Variants in PRKG1 observed in about 807,000 individuals in gnomAD.
The protein encoded by PRKG1 is protein kinase cGMP-dependent 1.
PRKG1 carries 35 observed loss-of-function variants against 88.1 expected under a neutral mutation model. That is an observed-to-expected ratio of 0.40 (90% CI 0.30 to 0.53). The LOEUF is 0.53. PRKG1 is among the 20% of genes least tolerant of loss of function. PRKG1 has a pLI of 0.59. For synonymous variants in PRKG1, 303 were observed against 292.5 expected (o/e 1.04, Z -0.37); for missense variants, 540 against 839.8 (o/e 0.64, Z 4.41).
At chr10:51,163,769 A>G (rs973833535) in intron 2 of PRKG1, among the ~76,000 whole-genome samples, 1 of 152,202 alleles carries the variant, frequency 6.6e-6, no homozygotes, top group African/African-American at 2.4e-5. Flanking sequence ...GGAGGGTCCT[A>G]CGCCCACGGA....
chr10:51,966,395 G>C (rs1473139146), intron 5 of PRKG1, among the ~76,000 whole-genome samples: 1 of 151,762 alleles, frequency 6.6e-6, no homozygotes, highest in Non-Finnish European at 1.5e-5. Flanking sequence ...ACATTTTTTT[G>C]TGTCATTTTC....
chr10:52,119,945 G>C (rs1017456263), intron 7 of PRKG1, among the ~76,000 whole-genome samples: 1 of 118,356 alleles, frequency 8.4e-6, no homozygotes, highest in Non-Finnish European at 2.0e-5. Context: ...CAGAGAGACA[G>C]AGATAGACAG....
At chr10:51,234,227 C>T (rs1268352696) in intron 2 of PRKG1, among the ~76,000 whole-genome samples, 1 of 152,166 alleles carries the variant, frequency 6.6e-6, no homozygotes, top group African/African-American at 2.4e-5. Flanking sequence ...CACTTCCTCA[C>T]TATGGAACCC....
chr10:52,245,918 G>A (rs1442512242), intron 9 of PRKG1, among the ~76,000 whole-genome samples: 1 of 151,966 alleles, frequency 6.6e-6, no homozygotes, highest in Non-Finnish European at 1.5e-5. Flanking sequence ...TTACCCATCT[G>A]GAACTATAGT....
At chr10:52,280,665 AGC>A in intron 12 of PRKG1, 122 bp from the exon 13 acceptor site, 1 of 999,806 alleles carries the variant, frequency 1.0e-6, no homozygotes, top group South Asian at 1.5e-5. Flanking sequence ...ACATTTAGCT[AGC>A]AGGACAGTGA....
At chr10:52,088,897 A>G (rs1273638297) in intron 7 of PRKG1, among the ~76,000 whole-genome samples, 4 of 152,246 alleles carry the variant, frequency 2.6e-5, no homozygotes, top group Non-Finnish European at 4.4e-5. Context: ...CAGAAAATCA[A>G]TAATGATGCA....
rs773620282 is a variant in PRKG1 at position 52,010,923 on chromosome 10, C to CT, written c.763-43558dup. 6.4e-4 allele frequency among the ~76,000 whole-genome samples: 97 copies of CT among 152,212 alleles called. 1 individual carries two copies. The highest frequency in any genetic ancestry group is 9.3e-4 in the Non-Finnish European group (63 of 68,036). ...AGCAAGCTTCTCTGACTTCTAGAGACTTTGTCATTTTGTTCATCCCTTCTG... is the reference window on the plus strand; with the variant it reads ...AGCAAGCTTCTCTGACTTCTAGAGACTTTTGTCATTTTGTTCATCCCTTCTG... On this transcript the variant is annotated intron_variant, in intron 5 of 17. Transcript: ENST00000373980.
chr10:51,325,232 A>T (rs1389711018), intron 2 of PRKG1, among the ~76,000 whole-genome samples: 1 of 152,042 alleles, frequency 6.6e-6, no homozygotes, highest in Non-Finnish European at 1.5e-5. Flanking sequence ...GATGATAATG[A>T]TTTTTTTGAA....
At chr10:51,654,261 C>G (rs1840110048) in intron 3 of PRKG1, among the ~76,000 whole-genome samples, 2 of 151,646 alleles carry the variant, frequency 1.3e-5, no homozygotes, top group Admixed American at 1.3e-4. Context: ...TCAATTTCCC[C>G]AATATCATTT....
At chr10:51,167,232 C>T (rs571027226) in intron 2 of PRKG1, among the ~76,000 whole-genome samples, 55 of 152,262 alleles carry the variant, frequency 3.6e-4, no homozygotes, top group African/African-American at 1.2e-3. Flanking sequence ...TCAGGGTAGA[C>T]TTCCCTGGGA....
chr10:51,154,683 A>AT (rs1250760013), intron 2 of PRKG1, among the ~76,000 whole-genome samples: 5 of 151,812 alleles, frequency 3.3e-5, no homozygotes, highest in African/African-American at 1.2e-4. Flanking sequence ...AATTTCTATC[A>AT]TTTTTTTCCC....
intron 7 of PRKG1, among the ~76,000 whole-genome samples, chr10:52,076,323 G>A (rs149716943): frequency 8.7e-4 from 132 of 152,346 alleles, no homozygotes; most frequent in African/African-American, 2.6e-3. Context: ...TTGGAAGGCC[G>A]AGGCAGGCCA....
chr10:52,263,143 C>A (rs989075879), intron 10 of PRKG1, among the ~76,000 whole-genome samples: 2 of 151,784 alleles, frequency 1.3e-5, no homozygotes, highest in Non-Finnish European at 2.9e-5. Context: ...TTAGGTTTTT[C>A]AATAAACAAG....
chr10:51,660,361 G>A (rs945625727), intron 3 of PRKG1, among the ~76,000 whole-genome samples: 2 of 151,552 alleles, frequency 1.3e-5, no homozygotes, highest in African/African-American at 4.8e-5. Flanking sequence ...TTTCAAGGGA[G>A]AGAGCAGTAA....
At chr10:51,021,644 T>G (rs1055911343) in intron 1 of PRKG1, among the ~76,000 whole-genome samples, 2 of 152,184 alleles carry the variant, frequency 1.3e-5, no homozygotes, top group African/African-American at 4.8e-5. Context: ...CCTACAGATC[T>G]TCTATCAACT....
intron 1 of PRKG1, among the ~76,000 whole-genome samples, chr10:51,051,408 G>A (rs371098672): frequency 6.6e-6 from 1 of 152,050 alleles, no homozygotes; most frequent in East Asian, 1.9e-4. Flanking sequence ...AGCATTTATT[G>A]AGTGACTATC....
chr10:51,384,715 C>T (rs957071395), intron 2 of PRKG1, among the ~76,000 whole-genome samples: 18 of 152,112 alleles, frequency 1.2e-4, no homozygotes, highest in Non-Finnish European at 2.5e-4. Context: ...CCAGCTTCCA[C>T]TCTCAGCAGC....
intron 17 of PRKG1, among the ~76,000 whole-genome samples, chr10:52,292,833 C>A (rs1297967625): frequency 3.3e-5 from 5 of 151,798 alleles, no homozygotes. Flanking sequence ...TGGAAGCATT[C>A]CCTTTGAAAA....
intron 2 of PRKG1, among the ~76,000 whole-genome samples, chr10:51,390,662 G>A (rs1450165008): frequency 6.6e-6 from 1 of 152,098 alleles, no homozygotes; most frequent in Admixed American, 6.6e-5. Context: ...TTAAGGTGAG[G>A]TTAAGGCTTC....
Sources: allele counts gnomAD v4.1 joint callset (sites outside exome capture counted in the v4.1 genomes callset), GRCh38; gene constraint gnomAD v4.1.1; transcripts MANE v1.5; gene names NCBI Gene and HGNC (gene_info 2026-07-23, HGNC 2026-07-21).